DPYD: variants seen among roughly 807,000 people sequenced by gnomAD.
DPYD encodes the protein dihydropyrimidine dehydrogenase.
DPYD carries 109 observed loss-of-function variants against 116.2 expected under a neutral mutation model. The ratio of observed to expected loss-of-function variants is 0.94; its 90% CI spans 0.80 to 1.10. The LOEUF (loss-of-function observed/expected upper bound fraction) is 1.10. Ranked by LOEUF, DPYD falls within the 50% of genes least tolerant of loss-of-function variation. The probability of loss-of-function intolerance (pLI) is 0.00; values close to 1 mark genes in which losing one functional copy is unlikely to be tolerated. For missense variants in DPYD, 1,302 were observed against 1,254.5 expected, an observed-to-expected ratio of 1.04 and a Z score of -0.57; for synonymous variants, 440 against 432.0, an observed-to-expected ratio of 1.02 and a Z score of -0.23.
At chr1:97,255,359 A>G (rs945031723) in intron 18 of DPYD, among the ~76,000 whole-genome samples, 1 of 152,114 alleles carries the variant, frequency 6.6e-6, no homozygotes, top group African/African-American at 2.4e-5. Flanking sequence ...TTCCCACCCA[A>G]ATTTCATCTT....
At chr1:97,601,684 G>A (rs1002041100) in intron 8 of DPYD, among the ~76,000 whole-genome samples, 1 of 151,900 alleles carries the variant, frequency 6.6e-6, no homozygotes, top group African/African-American at 2.4e-5. Flanking sequence ...TGCCATATGG[G>A]TTATCATTCT....
At chr1:97,798,906 G>A (rs973686706) in intron 3 of DPYD, among the ~76,000 whole-genome samples, 8 of 152,090 alleles carry the variant, frequency 5.3e-5, no homozygotes, top group South Asian at 2.1e-4. Context: ...AATAGGCATT[G>A]TAACAGGCAG....
chr1:97,079,189 G>A (rs559818051), intron 22 of DPYD, 43 bp from the exon 23 acceptor site: 4 of 1,605,564 alleles, frequency 2.5e-6, no homozygotes, highest in Non-Finnish European at 1.7e-6. Context: ...TGACCACAAA[G>A]GTCAACAATG....
chr1:97,449,966 CA>C, intron 14 of DPYD, 92 bp downstream of exon 14: 1 of 1,465,354 alleles, frequency 6.8e-7, no homozygotes, highest in Non-Finnish European at 9.5e-7. Flanking sequence ...AAAATATACA[CA>C]TTAATATTTA....
chr1:97,394,422 G>A lies in DPYD; in HGVS notation c.1906-11961C>T, dbSNP rs536688453. ...GGGAACAGGGAGGCCTGAAGAGACT[G>A]ACGGAATGAGGGATTTGCCCATGAG... On this transcript the variant is annotated intron_variant, in intron 14 of 22. Coordinates refer to ENST00000370192, the MANE Select transcript of DPYD (RefSeq NM_000110.4). 2.6e-5 allele frequency: 4 copies of A among 152,164 alleles called. No homozygotes were observed. In the South Asian group the frequency reaches 8.3e-4, roughly 32 times the overall value. 9.4% of individuals were successfully genotyped at this position (152,164 alleles called of 1,614,324 possible).
At chr1:97,432,677 G>A (rs747074884) in intron 14 of DPYD, among the ~76,000 whole-genome samples, 2 of 151,882 alleles carry the variant, frequency 1.3e-5, no homozygotes, top group South Asian at 2.1e-4. Context: ...AGTGCCAGAT[G>A]GTTTCTGTAA....
At chr1:97,477,310 T>A (rs1228112662) in intron 13 of DPYD, among the ~76,000 whole-genome samples, 1 of 152,208 alleles carries the variant, frequency 6.6e-6, no homozygotes, top group African/African-American at 2.4e-5. Context: ...CAATTCCTCA[T>A]CCATCCATGT....
intron 1 of DPYD, among the ~76,000 whole-genome samples, chr1:97,898,563 A>G (rs945157205): frequency 2.6e-5 from 4 of 151,906 alleles, no homozygotes; most frequent in African/African-American, 4.8e-5. Context: ...ATTGTTTCAT[A>G]TATTTTGTTT....
At chr1:97,637,461 C>T (rs936192918) in intron 8 of DPYD, among the ~76,000 whole-genome samples, 9 of 151,288 alleles carry the variant, frequency 5.9e-5, no homozygotes, top group African/African-American at 2.2e-4. Context: ...TTTATAGACC[C>T]CCCAGACACT....
At chr1:97,083,259 T>G (rs2130365) in intron 21 of DPYD, among the ~76,000 whole-genome samples, 1 of 152,140 alleles carries the variant, frequency 6.6e-6, no homozygotes, top group African/African-American at 2.4e-5. Context: ...CAAATTAGCA[T>G]GCTGTCAAGA....
intron 13 of DPYD, among the ~76,000 whole-genome samples, chr1:97,506,618 A>G (rs1009846044): frequency 2.6e-5 from 4 of 151,950 alleles, no homozygotes; most frequent in African/African-American, 9.7e-5. Flanking sequence ...TCAAAATTGT[A>G]CACGTCAATT....
intron 16 of DPYD, among the ~76,000 whole-genome samples, chr1:97,363,994 A>C (rs1372307065): frequency 6.6e-6 from 1 of 152,202 alleles, no homozygotes; most frequent in African/African-American, 2.4e-5. Context: ...ATGTTGCTAC[A>C]AAAGACATTA....
rs574687302 is a variant in DPYD at position 97,731,418 on chromosome 1, A to G, written c.321+8974T>C. On this transcript the variant is annotated intron_variant, in intron 4 of 22. Transcript: ENST00000370192. Reference sequence around the variant, plus strand: ...TTTAATTTTTCAAAGTAGTTTTCAAAAAAACTAAACTCAAGTTTCTTTAAC... The same window carrying G: ...TTTAATTTTTCAAAGTAGTTTTCAAGAAAACTAAACTCAAGTTTCTTTAAC... Among the ~76,000 whole-genome samples, 7 of 152,242 alleles carry G rather than the reference A, an allele frequency of 4.6e-5. No individual in the cohort carries two copies. In the South Asian group the frequency reaches 1.4e-3, roughly 32 times the overall value.
At position 97,149,698 on chromosome 1, in the gene DPYD, T is replaced by C. The variant is rs576270756; in HGVS notation, c.2622+43371A>G. ...AAGCCTCCCAGTTTAAAAATTATTA[T>C]GAATTTCAAGATGGAGTTGTCAGAG... On this transcript the variant is annotated intron_variant, in intron 20 of 22. Transcript: ENST00000370192. Among the ~76,000 whole-genome samples the C allele has an allele frequency of 4.6e-5, 7 of 152,330 alleles. No individual in the cohort carries two copies. In the East Asian group the frequency reaches 1.4e-3, roughly 29 times the overall value.
At chr1:97,322,410 A>C (rs1194024466) in intron 16 of DPYD, among the ~76,000 whole-genome samples, 2 of 151,914 alleles carry the variant, frequency 1.3e-5, no homozygotes, top group East Asian at 3.9e-4. Context: ...GTAAATACTC[A>C]AAACTAAATA....
At chr1:97,903,540 T>A (rs1673466750) in intron 1 of DPYD, among the ~76,000 whole-genome samples, 1 of 151,978 alleles carries the variant, frequency 6.6e-6, no homozygotes, top group East Asian at 1.9e-4. Flanking sequence ...TGGACAACGC[T>A]AAGTAAATGT....
At chr1:97,306,421 A>G in intron 16 of DPYD, 124 bp from the exon 17 acceptor site, 3 of 1,299,162 alleles carry the variant, frequency 2.3e-6, no homozygotes, top group South Asian at 1.2e-5. Context: ...GCTACATGAT[A>G]TATTTCTCAA....
At chr1:97,837,800 T>A (rs1299940800) in intron 2 of DPYD, among the ~76,000 whole-genome samples, 1 of 152,146 alleles carries the variant, frequency 6.6e-6, no homozygotes, top group Non-Finnish European at 1.5e-5. Flanking sequence ...AATGACTTTT[T>A]AAAAATATTA....
At chr1:97,634,530 A>C (rs1657454684) in intron 8 of DPYD, among the ~76,000 whole-genome samples, 1 of 152,128 alleles carries the variant, frequency 6.6e-6, no homozygotes, top group African/African-American at 2.4e-5. Flanking sequence ...CATCAAAATA[A>C]AAATAACTAA....
Sources: allele counts gnomAD v4.1 joint callset (sites outside exome capture counted in the v4.1 genomes callset), GRCh38; gene constraint gnomAD v4.1.1; transcripts MANE v1.5; gene names NCBI Gene and HGNC (gene_info 2026-07-23, HGNC 2026-07-21).